TENM3: variants seen among roughly 807,000 people sequenced by gnomAD.
TENM3 encodes the protein teneurin-3.
A neutral mutation model predicts 255.1 loss-of-function variants in TENM3; 63 were observed. That is an observed-to-expected ratio of 0.25 (90% CI 0.20 to 0.30). The LOEUF (loss-of-function observed/expected upper bound fraction) is 0.30, where lower values mean the gene tolerates loss of function less well. Ranked by LOEUF, TENM3 falls within the 10% of genes least tolerant of loss-of-function variation. The probability of loss-of-function intolerance (pLI) is 1.00; values close to 1 mark genes in which losing one functional copy is unlikely to be tolerated. For synonymous variants in TENM3, 1,306 were observed against 1,322.3 expected (o/e 0.99, Z 0.27); for missense variants, 2,929 against 3,461.1 (o/e 0.85, Z 3.86).
chr4:182,284,835 G>A (rs1456539892), intron 1 of TENM3, among the ~76,000 whole-genome samples: 1 of 152,134 alleles, frequency 6.6e-6, no homozygotes, highest in Non-Finnish European at 1.5e-5. Flanking sequence ...GAGAGACAGG[G>A]CTGTTTTAGT....
chr4:181,532,177 A>G, the TENM3 span, among the ~76,000 whole-genome samples: 1 of 152,256 alleles, frequency 6.6e-6, no homozygotes, highest in Non-Finnish European at 1.5e-5. Context: ...TTTTATCCTG[A>G]AAGAAATGGA....
chr4:182,220,892 A>C (rs1335109244), intron 1 of TENM3, among the ~76,000 whole-genome samples: 2 of 152,128 alleles, frequency 1.3e-5, no homozygotes, highest in East Asian at 3.9e-4. Context: ...TTTCTTCTGG[A>C]GAGATTATTG....
the TENM3 span, among the ~76,000 whole-genome samples, chr4:181,654,444 G>A: frequency 2.6e-5 from 4 of 152,012 alleles, no homozygotes; most frequent in Non-Finnish European, 2.9e-5. Flanking sequence ...GGGCTACATC[G>A]ACAAGTTCAT....
intron 24 of TENM3, among the ~76,000 whole-genome samples, chr4:182,778,281 A>T (rs145671207): frequency 1.6e-4 from 25 of 152,338 alleles, no homozygotes; most frequent in Non-Finnish European, 2.5e-4. Context: ...GAATCATTTT[A>T]AAAAAGAAAA....
intron 1 of TENM3, among the ~76,000 whole-genome samples, chr4:182,269,717 C>T (rs372835122): frequency 6.4e-4 from 97 of 152,102 alleles, no homozygotes; most frequent in African/African-American, 2.2e-3. Flanking sequence ...ACCCAGTTAT[C>T]GTAATTAAGG....
chr4:181,946,839 G>GA, the TENM3 span, among the ~76,000 whole-genome samples: 1 of 152,176 alleles, frequency 6.6e-6, no homozygotes, highest in Non-Finnish European at 1.5e-5. Context: ...CAAGTCGGGA[G>GA]AAAATCTCAT....
chr4:182,481,149 G>T (rs1734159164), intron 3 of TENM3, among the ~76,000 whole-genome samples: 1 of 152,062 alleles, frequency 6.6e-6, no homozygotes, highest in African/African-American at 2.4e-5. Flanking sequence ...GAGGCCAAGA[G>T]AGTTTCTATA....
rs111922146 is a variant in TENM3, at chr4:182,646,158, A to C, written c.989-7613A>C. 6.2e-3 allele frequency among the ~76,000 whole-genome samples: 944 copies of C among 152,328 alleles called. 10 individuals are homozygous for C. The highest frequency in any genetic ancestry group is 0.022 in the African/African-American group (907 of 41,572). ...AATCTTCCTCACAGAGGTAAGACAT[A>C]CTACTTTTGCCCACATTTCTTTATC... On this transcript the variant is annotated intron_variant, in intron 5 of 27. Coordinates refer to ENST00000511685, the MANE Select transcript of TENM3 (RefSeq NM_001080477.4).
At chr4:181,469,304 A>G in the TENM3 span, among the ~76,000 whole-genome samples, 1 of 152,150 alleles carries the variant, frequency 6.6e-6, no homozygotes, top group African/African-American at 2.4e-5. Flanking sequence ...ATATGAAAGA[A>G]AAAATATATC....
chr4:182,561,989 T>C lies in TENM3; in HGVS notation c.512-38935T>C, dbSNP rs751419896. On this transcript the variant is annotated intron_variant, in intron 3 of 27. Transcript: ENST00000511685. ...ATATCCAGATAGATAGATAGACAGA[T>C]AGATAGATAGATAGATAGATAGATA... Among the ~76,000 whole-genome samples the C allele has an allele frequency of 2.8e-3, 269 of 96,402 alleles. 1 individual carries two copies. The highest frequency in any genetic ancestry group is 3.1e-3 in the African/African-American group (105 of 33,710). 63.2% of individuals were successfully genotyped at this position (96,402 alleles called of 152,430 possible).
chr4:182,720,982 A>G (rs1759680619), intron 13 of TENM3, among the ~76,000 whole-genome samples: 1 of 151,892 alleles, frequency 6.6e-6, no homozygotes, highest in Non-Finnish European at 1.5e-5. Context: ...TGGCCAAGCT[A>G]GCCTCGAACT....
chr4:181,513,126 AG>A, the TENM3 span, among the ~76,000 whole-genome samples: 1 of 152,174 alleles, frequency 6.6e-6, no homozygotes, highest in African/African-American at 2.4e-5. Flanking sequence ...CATTCCTCTG[AG>A]ACTTTTTTTG....
At chr4:181,957,376 G>A in the TENM3 span, among the ~76,000 whole-genome samples, 1 of 152,230 alleles carries the variant, frequency 6.6e-6, no homozygotes, top group East Asian at 1.9e-4. Flanking sequence ...CAGCAAGGGG[G>A]CGGATCACAA....
At chr4:182,264,912 G>T (rs966498067) in intron 1 of TENM3, among the ~76,000 whole-genome samples, 1 of 151,564 alleles carries the variant, frequency 6.6e-6, no homozygotes, top group Non-Finnish European at 1.5e-5. Context: ...CTTGGAACTT[G>T]TTTTTCTGAA....
the TENM3 span, among the ~76,000 whole-genome samples, chr4:181,835,761 C>G: frequency 6.6e-6 from 1 of 152,026 alleles, no homozygotes; most frequent in African/African-American, 2.4e-5. Flanking sequence ...CATTAAGGTA[C>G]ATAATTAAAA....
At chr4:181,676,586 C>G in the TENM3 span, among the ~76,000 whole-genome samples, 2 of 151,938 alleles carry the variant, frequency 1.3e-5, no homozygotes, top group East Asian at 3.9e-4. Context: ...TTTTCCTCAG[C>G]TATGAAACAT....
the TENM3 span, among the ~76,000 whole-genome samples, chr4:181,822,300 C>T: frequency 2.6e-5 from 4 of 152,108 alleles, no homozygotes; most frequent in East Asian, 1.9e-4. Flanking sequence ...GAGTTTATTA[C>T]CTCTTGTTTC....
At chr4:181,530,011 A>C in the TENM3 span, among the ~76,000 whole-genome samples, 1 of 152,206 alleles carries the variant, frequency 6.6e-6, no homozygotes, top group Non-Finnish European at 1.5e-5. Flanking sequence ...GAAATCATAA[A>C]GTTTGGCTCT....
chr4:182,721,493 A>G (rs941693715), intron 13 of TENM3, among the ~76,000 whole-genome samples: 2 of 152,024 alleles, frequency 1.3e-5, no homozygotes, highest in Non-Finnish European at 1.5e-5. Context: ...AATTGTTTCT[A>G]ATTTTTTTGC....
Sources: allele counts gnomAD v4.1 joint callset (sites outside exome capture counted in the v4.1 genomes callset), GRCh38; gene constraint gnomAD v4.1.1; transcripts MANE v1.5; gene names NCBI Gene and HGNC (gene_info 2026-07-23, HGNC 2026-07-21).